The following TBX5 variants were observed in gnomAD, a reference collection of about 807,000 sequenced individuals.
TBX5 encodes the protein T-box transcription factor TBX5.
TBX5 carries 8 observed loss-of-function variants against 51.1 expected under a neutral mutation model. The observed-to-expected ratio is 0.16, with a 90% CI of 0.09 to 0.28. The LOEUF is 0.28. Ranked by LOEUF, TBX5 falls within the 10% of genes least tolerant of loss-of-function variation. The pLI is 1.00. For missense variants in TBX5, 589 were observed against 671.7 expected (o/e 0.88, Z 1.36); for synonymous variants, 302 against 266.4 (o/e 1.13, Z -1.30).
At chr12:114,395,086 G>A (rs1032828414) in intron 5 of TBX5, among the ~76,000 whole-genome samples, 193 bp from the exon 6 acceptor site, 1 of 151,994 alleles carries the variant, frequency 6.6e-6, no homozygotes, top group Non-Finnish European at 1.5e-5. Context: ...ATTTCCAACC[G>A]AAAAAGCCAG....
At chr12:114,377,559 C>CTTTTTTTTTTTTTTTTTT (rs112942662) in intron 7 of TBX5, among the ~76,000 whole-genome samples, 1 of 138,194 alleles carries the variant, frequency 7.2e-6, no homozygotes, top group African/African-American at 2.7e-5. Context: ...TCCAGTTAAT[C>CTTTTTTTTTTTTTTTTTT]TTTTTTTTTT....
intron 7 of TBX5, among the ~76,000 whole-genome samples, chr12:114,368,911 G>C (rs746438329): frequency 6.6e-6 from 1 of 151,884 alleles, no homozygotes; most frequent in Non-Finnish European, 1.5e-5. Context: ...CCGAGCAGCC[G>C]CACCAGTCAG....
At chr12:114,372,099 C>T (rs767729630) in intron 7 of TBX5, among the ~76,000 whole-genome samples, 1 of 152,008 alleles carries the variant, frequency 6.6e-6, no homozygotes. Flanking sequence ...GAGGCTCCGA[C>T]GGGTGGGAGG....
intron 7 of TBX5, among the ~76,000 whole-genome samples, chr12:114,371,533 T>C (rs2136380994): frequency 6.6e-6 from 1 of 151,570 alleles, no homozygotes; most frequent in East Asian, 1.9e-4. Context: ...CCGACTGAAT[T>C]GGCCTTTTCA....
chr12:114,396,755 T>C (rs1000877367), intron 5 of TBX5, among the ~76,000 whole-genome samples: 2 of 152,152 alleles, frequency 1.3e-5, no homozygotes, highest in Non-Finnish European at 2.9e-5. Context: ...GTGGAACCTT[T>C]AGAAATGGCT....
intron 6 of TBX5, among the ~76,000 whole-genome samples, chr12:114,386,669 T>C (rs192277736): frequency 1.2e-4 from 19 of 152,368 alleles, no homozygotes; most frequent in Admixed American, 4.6e-4. Flanking sequence ...TAATTGTCTT[T>C]ACTCATATCC....
intron 6 of TBX5, among the ~76,000 whole-genome samples, chr12:114,394,155 G>T (rs1871297279): frequency 6.6e-6 from 1 of 152,120 alleles, no homozygotes; most frequent in Non-Finnish European, 1.5e-5. Context: ...AAAAACAAAA[G>T]TTAAAAATTG....
chr12:114,379,560 A>G (rs972333217), intron 7 of TBX5, among the ~76,000 whole-genome samples: 1 of 152,214 alleles, frequency 6.6e-6, no homozygotes, highest in African/African-American at 2.4e-5. Flanking sequence ...TTTGTTATGC[A>G]GCAATAATAA....
rs149274578 is a variant in TBX5 at position 114,394,765 on chromosome 12, T to C, written c.639A>G (p.Ala213=). The C allele has an allele frequency of 6.0e-5, 97 of 1,614,082 alleles. No individual in the cohort carries two copies. Among genetic ancestry groups the C allele is most frequent in the African/African-American group, 1.3e-4 (10 of 74,926 alleles). The change falls in exon 6 of 9, where the codon GCA becomes GCG. Residue 213 remains alanine (A), a synonymous_variant. Coordinates refer to ENST00000405440, the MANE Select transcript of TBX5 (RefSeq NM_181486.4). Reference sequence around the variant, plus strand: ...CCTTGTGGTTCTGGTAGGAAGTCACTGCTATAAACGCAGTCTCAGGAAAGA... The same window carrying C: ...CCTTGTGGTTCTGGTAGGAAGTCACCGCTATAAACGCAGTCTCAGGAAAGA... ...THVFPETAFI[A]VTSYQNHKIT... is the part of the protein sequence containing the mutation.
intron 7 of TBX5, among the ~76,000 whole-genome samples, chr12:114,374,287 G>A (rs576547348): frequency 2.6e-5 from 4 of 152,300 alleles, no homozygotes; most frequent in East Asian, 3.9e-4. Context: ...TGGGGGACAC[G>A]GCTTAGGGTG....
chr12:114,372,950 T>C (rs987622248), intron 7 of TBX5, among the ~76,000 whole-genome samples: 1 of 149,912 alleles, frequency 6.7e-6, no homozygotes, highest in East Asian at 2.0e-4. Flanking sequence ...AATGAAATGA[T>C]GCATGGAAAG....
At chr12:114,404,646 A>G (rs577007492) in intron 1 of TBX5, among the ~76,000 whole-genome samples, 2 of 152,210 alleles carry the variant, frequency 1.3e-5, no homozygotes, top group African/African-American at 2.4e-5. Flanking sequence ...AAAGTAGCCA[A>G]ACAGAAGACT....
chr12:114,395,619 C>T (rs1458951885), intron 5 of TBX5, among the ~76,000 whole-genome samples: 1 of 152,160 alleles, frequency 6.6e-6, no homozygotes, highest in Non-Finnish European at 1.5e-5. Flanking sequence ...GCCTTGGAAA[C>T]TCCCTTTCTC....
chr12:114,380,996 G>T (rs1593862054), intron 7 of TBX5, among the ~76,000 whole-genome samples: 1 of 152,090 alleles, frequency 6.6e-6, no homozygotes, highest in East Asian at 1.9e-4. Context: ...GCTTGAGACA[G>T]GATGTTTAAA....
At chr12:114,382,962 G>C (rs1204404594) in intron 7 of TBX5, among the ~76,000 whole-genome samples, 1 of 141,626 alleles carries the variant, frequency 7.1e-6, no homozygotes, top group Non-Finnish European at 1.5e-5. Context: ...GAGCGACAGA[G>C]TGAGACCCTG....
intron 2 of TBX5, among the ~76,000 whole-genome samples, chr12:114,403,260 CGGCGCGGAGGA>C (rs1565943006): frequency 6.6e-6 from 1 of 152,056 alleles, no homozygotes; most frequent in Non-Finnish European, 1.5e-5. Flanking sequence ...GTCTAGTCGG[CGGCGCGGAGGA>C]GGCAGGAGGA....
intron 7 of TBX5, among the ~76,000 whole-genome samples, chr12:114,377,512 A>T (rs185905246): frequency 0.017 from 2,566 of 151,932 alleles, 65 homozygotes; most frequent in African/African-American, 0.058. Context: ...TGTCTCAGCC[A>T]AAAGAGTAAC....
chr12:114,390,872 T>G (rs1270004753), intron 6 of TBX5, among the ~76,000 whole-genome samples: 2 of 152,220 alleles, frequency 1.3e-5, no homozygotes, highest in Non-Finnish European at 2.9e-5. Flanking sequence ...TTTCACAGAA[T>G]GAACGTCGCT....
At position 114,382,120 on chromosome 12, in the gene TBX5, G is replaced by C. The variant is rs565136146; in HGVS notation, c.755+3356C>G. Among the ~76,000 whole-genome samples the C allele has an allele frequency of 1.4e-4, 22 of 152,304 alleles. 1 individual carries two copies. The South Asian group carries it at 3.9e-3, about 27-fold the overall frequency. ...AAATATATAAACAGTTGTGTGACCA[G>C]CCTGGGCAACCTGGGGAGATCCTGC... On this transcript the variant is annotated intron_variant, in intron 7 of 8. Transcript: ENST00000405440.
Sources: gnomAD v4.1 joint callset for allele counts (sites outside exome capture counted in the v4.1 genomes callset) on GRCh38, gnomAD v4.1.1 for gene constraint, MANE v1.5 for transcripts, NCBI Gene and HGNC (gene_info 2026-07-23, HGNC 2026-07-21) for gene names.